The following DNAH6 variants were observed in gnomAD, a reference collection of about 807,000 sequenced individuals.
DNAH6 encodes dynein axonemal heavy chain 6.
A neutral mutation model predicts 491.4 loss-of-function variants in DNAH6; 340 were observed. The observed-to-expected ratio is 0.69, with a 90% confidence interval of 0.63 to 0.76. The LOEUF (loss-of-function observed/expected upper bound fraction) is 0.76, where lower values mean the gene tolerates loss of function less well. Among genes scored for constraint, DNAH6 ranks in the 30% least tolerant of loss-of-function variants. The pLI is 0.00. For missense variants in DNAH6, 4,443 were observed against 4,972.2 expected, an observed-to-expected ratio of 0.89 and a Z score of 3.20; for synonymous variants, 1,603 against 1,686.1, an observed-to-expected ratio of 0.95 and a Z score of 1.21.
At chr2:84,496,642 T>A in the DNAH6 span, among the ~76,000 whole-genome samples, 1 of 152,168 alleles carries the variant, frequency 6.6e-6, no homozygotes, top group Non-Finnish European at 1.5e-5. Context: ...AATCTGTATG[T>A]TTAGAAACTC....
chr2:84,618,761 T>G (rs1047418942), intron 23 of DNAH6, among the ~76,000 whole-genome samples: 2 of 152,186 alleles, frequency 1.3e-5, no homozygotes, highest in Non-Finnish European at 2.9e-5. Context: ...AAGAACTATA[T>G]TACATGAAGT....
In DNAH6 at chr2:84,634,650, C is replaced by T; in HGVS notation, c.4653+9C>T. On this transcript the variant is annotated intron_variant, in intron 30 of 76. Coordinates refer to ENST00000389394, the MANE Select transcript of DNAH6 (RefSeq NM_001370.2). The stretch of plus-strand genomic sequence containing the variant: ...ACGCCAAAGCGGCAAAGGTAAGGCA[C>T]TGGGCAATCGACTTTCAAGGTAGCA... 1 of 1,508,470 alleles carries T rather than the reference C, an allele frequency of 6.6e-7. No homozygotes were observed. The highest frequency in any genetic ancestry group is 1.4e-5 in the African/African-American group (1 of 69,978). The allele number at this position is 1,508,470 out of a possible 1,614,324, so 93.4% of individuals were successfully genotyped here.
intron 26 of DNAH6, among the ~76,000 whole-genome samples, chr2:84,623,454 G>A (rs1394873965): frequency 6.6e-6 from 1 of 151,982 alleles, no homozygotes; most frequent in Non-Finnish European, 1.5e-5. Context: ...CAACCTTATT[G>A]AATAAAACAA....
the DNAH6 span, among the ~76,000 whole-genome samples, chr2:84,482,023 C>T: frequency 2.0e-5 from 3 of 152,126 alleles, no homozygotes; most frequent in Non-Finnish European, 4.4e-5. Context: ...ACCCTGCAGC[C>T]GTTTTCAAAG....
intron 2 of DNAH6, among the ~76,000 whole-genome samples, chr2:84,519,126 T>A (rs1675890741): frequency 1.3e-5 from 2 of 152,146 alleles, no homozygotes; most frequent in South Asian, 2.1e-4. Flanking sequence ...TAGAAAGGTC[T>A]CTCTGAGGAG....
chr2:84,526,861 GA>G (rs1025123546), intron 3 of DNAH6, among the ~76,000 whole-genome samples: 8 of 152,148 alleles, frequency 5.3e-5, no homozygotes, highest in Middle Eastern at 3.2e-3. Context: ...TTGGCATAAA[GA>G]GGGCTTCAAA....
intron 69 of DNAH6, 57 bp downstream of exon 69, chr2:84,796,482 T>C (rs1678358871): frequency 1.4e-6 from 2 of 1,394,640 alleles, no homozygotes; most frequent in Non-Finnish European, 1.9e-6. Context: ...GTTGACAGCA[T>C]CTCTCAGTTT....
the DNAH6 span, among the ~76,000 whole-genome samples, chr2:84,486,787 CAA>C: frequency 1.3e-5 from 2 of 152,128 alleles, no homozygotes; most frequent in African/African-American, 2.4e-5. Flanking sequence ...ATTCAGCAGA[CAA>C]GAGACAAGGA....
At chr2:84,745,948 G>A (rs989887868) in intron 63 of DNAH6, among the ~76,000 whole-genome samples, 3 of 152,144 alleles carry the variant, frequency 2.0e-5, no homozygotes, top group African/African-American at 7.2e-5. Flanking sequence ...AGTTATGACA[G>A]TCTGAATTAA....
intron 23 of DNAH6, among the ~76,000 whole-genome samples, chr2:84,617,389 C>T (rs1297173746): frequency 6.6e-6 from 1 of 151,820 alleles, no homozygotes; most frequent in African/African-American, 2.4e-5. Context: ...TTTAAATGCA[C>T]AATTAAATTA....
At chr2:84,802,841 CA>C (rs1679059678) in intron 70 of DNAH6, among the ~76,000 whole-genome samples, 1 of 152,046 alleles carries the variant, frequency 6.6e-6, no homozygotes, top group Admixed American at 6.6e-5. Context: ...TTTAAAAAAT[CA>C]AAATTATACC....
At position 84,557,819 on chromosome 2, in the gene DNAH6, T is replaced by A; in HGVS notation, c.1687T>A (p.Phe563Ile). ...CGTGCCTGATTCGTATTTTGATGCT[T>A]TCACCAGCCCTTATATTAACAACAA... ...NLVPDSYFDA[F>I]TSPYINNKLE... The change falls in exon 11 of 77, where the codon TTC becomes ATC. Residue 563 changes from phenylalanine (F) to isoleucine (I), a missense_variant. Coordinates refer to ENST00000389394, the MANE Select transcript of DNAH6 (RefSeq NM_001370.2). 1 of 1,613,352 alleles carries A rather than the reference T, an allele frequency of 6.2e-7. No individual in the cohort carries two copies. The highest frequency in any genetic ancestry group is 8.5e-7 in the Non-Finnish European group (1 of 1,179,512).
chr2:84,514,350 C>A (rs1451158035), upstream of DNAH6, among the ~76,000 whole-genome samples: 1 of 152,154 alleles, frequency 6.6e-6, no homozygotes, highest in Non-Finnish European at 1.5e-5. Flanking sequence ...GAAAGTCACA[C>A]AACCTCTTTA....
At chr2:84,532,995 G>A (rs140092381) in intron 4 of DNAH6, among the ~76,000 whole-genome samples, 233 of 152,212 alleles carry the variant, frequency 1.5e-3, no homozygotes, top group African/African-American at 5.2e-3. Context: ...TACAGTACAC[G>A]TATGAGAAAA....
intron 11 of DNAH6, 125 bp from the exon 12 acceptor site, chr2:84,573,342 C>A (rs369258327): frequency 1.4e-6 from 1 of 696,794 alleles, no homozygotes; most frequent in Non-Finnish European, 2.3e-6. Context: ...TCATGTTTCC[C>A]AAATCAAAAC....
chr2:84,598,127 T>TTTTCTTTCTTTTC (rs1684807105), intron 18 of DNAH6, among the ~76,000 whole-genome samples: 1 of 109,314 alleles, frequency 9.1e-6, no homozygotes, highest in Non-Finnish European at 1.9e-5. Context: ...TCTATCTTTC[T>TTTTCTTTCTTTTC]TTTCTTTCTT....
chr2:84,688,713 A>C, intron 45 of DNAH6, 120 bp downstream of exon 45: 2 of 722,836 alleles, frequency 2.8e-6, no homozygotes, highest in Non-Finnish European at 2.1e-6. Context: ...GTCTTTTATT[A>C]ACTCTCACCA....
At chr2:84,542,897 G>A (rs981179345) in intron 4 of DNAH6, among the ~76,000 whole-genome samples, 15 of 152,134 alleles carry the variant, frequency 9.9e-5, no homozygotes, top group African/African-American at 3.6e-4. Flanking sequence ...GGTGGCTCAC[G>A]CTTTTAATCC....
chr2:84,810,032 C>T (rs1689126399), intron 72 of DNAH6, among the ~76,000 whole-genome samples: 1 of 152,106 alleles, frequency 6.6e-6, no homozygotes, highest in South Asian at 2.1e-4. Context: ...CAGCTTATGT[C>T]TTGCCCTTTC....
Sources: allele counts gnomAD v4.1 joint callset (sites outside exome capture counted in the v4.1 genomes callset), GRCh38; gene constraint gnomAD v4.1.1; transcripts MANE v1.5; gene names NCBI Gene and HGNC (gene_info 2026-07-23, HGNC 2026-07-21).